SLC3A1: variants seen among roughly 807,000 people sequenced by gnomAD.
The protein encoded by SLC3A1 is amino acid transporter heavy chain SLC3A1.
Under a neutral mutation model 60.3 loss-of-function variants are expected in SLC3A1, and 78 were observed. The ratio of observed to expected loss-of-function variants is 1.29; its 90% CI spans 1.08 to 1.56. SLC3A1 has a LOEUF of 1.56. Among genes scored for constraint, SLC3A1 ranks in the 40% most tolerant of loss-of-function variants. The pLI is 0.00. For missense variants in SLC3A1, 1,172 were observed against 858.9 expected (o/e 1.36, Z -4.56); for synonymous variants, 392 against 307.9 (o/e 1.27, Z -2.86).
chr2:44,288,413 C>T (rs573971392), intron 4 of SLC3A1, among the ~76,000 whole-genome samples: 48 of 151,942 alleles, frequency 3.2e-4, no homozygotes, highest in Non-Finnish European at 6.2e-4. Flanking sequence ...TCTTCCCCCA[C>T]CCCCTGGGAA....
intron 4 of SLC3A1, among the ~76,000 whole-genome samples, chr2:44,298,871 G>A (rs2165421): frequency 0.61 from 91,949 of 151,816 alleles, 28,341 homozygotes; most frequent in Non-Finnish European, 0.66. Flanking sequence ...TGAGCCAGGG[G>A]CAGTCATACA....
In SLC3A1 at chr2:44,275,502, A is replaced by G. The variant is rs751612894; in HGVS notation, c.-34A>G. ...GCCACTCTTCCACCTCCCTTACTGC[A>G]GGAAGGCACTCCGAAGACATAAGTC... On this transcript the variant is annotated 5_prime_UTR_variant, in exon 1 of 10. Transcript: ENST00000260649. 2 of 1,587,320 alleles carry G rather than the reference A, an allele frequency of 1.3e-6. No homozygotes were observed. Among genetic ancestry groups the G allele is most frequent in the Non-Finnish European group, 1.7e-6 (2 of 1,157,836 alleles).
intron 1 of SLC3A1, among the ~76,000 whole-genome samples, chr2:44,279,851 C>T (rs1671452127): frequency 6.6e-6 from 1 of 152,128 alleles, no homozygotes; most frequent in African/African-American, 2.4e-5. Context: ...GCACGTGCCA[C>T]CATGCCCGGC....
At chr2:44,293,489 C>T (rs1231886463) in intron 4 of SLC3A1, among the ~76,000 whole-genome samples, 1 of 150,834 alleles carries the variant, frequency 6.6e-6, no homozygotes, top group African/African-American at 2.4e-5. Flanking sequence ...TGCACTCCAG[C>T]CTGGGCAACA....
intron 8 of SLC3A1, 91 bp downstream of exon 8, chr2:44,312,844 T>G: frequency 2.0e-6 from 2 of 979,772 alleles, no homozygotes; most frequent in Middle Eastern, 2.8e-4. Context: ...TTACTATCTC[T>G]CTATTGCATT....
chr2:44,286,005 T>C (rs1234339642), intron 3 of SLC3A1, 27 bp from the exon 4 acceptor site: 2 of 1,613,874 alleles, frequency 1.2e-6, no homozygotes, highest in Admixed American at 1.7e-5. Flanking sequence ...TATAGGTCAC[T>C]GATGTGCTGT....
chr2:44,320,381 A>C lies in SLC3A1; in HGVS notation c.1800A>C (p.Gly600=). The change falls in exon 10 of 10, where the codon GGA becomes GGC. Residue 600 remains glycine (G), a synonymous_variant. Transcript: ENST00000260649. ...TCTTTATCGTGGTTCTGAATTTTGG[A>C]GAATCAACACTGTTAAATCTACATA... is the stretch of plus-strand genomic sequence containing the variant. The part of the protein sequence containing the change: ...DRIFIVVLNF[G]ESTLLNLHNM... 1 of 1,614,110 alleles carries C rather than the reference A, an allele frequency of 6.2e-7. No homozygotes were observed. Among genetic ancestry groups the C allele is most frequent in the Non-Finnish European group, 8.5e-7 (1 of 1,179,964 alleles).
chr2:44,307,286 G>A (rs1672182064), intron 7 of SLC3A1, among the ~76,000 whole-genome samples: 1 of 152,186 alleles, frequency 6.6e-6, no homozygotes, highest in Non-Finnish European at 1.5e-5. Flanking sequence ...TACGAATAGT[G>A]ATGCTATGGA....
rs777667942 is a variant in SLC3A1, at chr2:44,286,064, T to C, written c.798T>C (p.Phe266=). Residue 266 remains phenylalanine, a synonymous_variant, in exon 4 of 10, where the codon TTT becomes TTC. Transcript: ENST00000260649. ...TGTATGGAAACTCCAGTTGGCACTTTGACGAAGTGCGAAACCAATGTTATT... is the reference window on the plus strand; with the variant it reads ...TGTATGGAAACTCCAGTTGGCACTTCGACGAAGTGCGAAACCAATGTTATT... ...LSVYGNSSWH[F]DEVRNQCYFH... The C allele has an allele frequency of 6.2e-7, 1 of 1,613,932 alleles. No homozygotes were observed.
Position 44,286,075 on chromosome 2 carries a change from G to A in SLC3A1, c.809G>A (p.Arg270Gln), listed in dbSNP as rs142358712. Residue 270 changes from arginine (R) to glutamine (Q), a missense_variant, in exon 4 of 10, where the codon CGA (arginine) becomes CAA (glutamine). Transcript: ENST00000260649. ...GNSSWHFDEV[R>Q]NQCYFHQFMK... ...TCCAGTTGGCACTTTGACGAAGTGC[G>A]AAACCAATGTTATTTTCATCAGTTT... 13 of 1,613,678 alleles carry A rather than the reference G, an allele frequency of 8.1e-6. No homozygotes were observed. Among genetic ancestry groups the A allele is most frequent in the African/African-American group, 2.7e-5 (2 of 74,896 alleles).
intron 7 of SLC3A1, among the ~76,000 whole-genome samples, chr2:44,306,962 A>C (rs1672173573): frequency 1.3e-5 from 2 of 152,122 alleles, no homozygotes; most frequent in Non-Finnish European, 2.9e-5. Context: ...CATCACCCCC[A>C]AAATAAACCA....
At chr2:44,290,014 T>G (rs1326878720) in intron 4 of SLC3A1, among the ~76,000 whole-genome samples, 2 of 152,198 alleles carry the variant, frequency 1.3e-5, no homozygotes, top group African/African-American at 4.8e-5. Context: ...TCATGAAGAT[T>G]TACTCCTATG....
At chr2:44,302,203 A>G (rs1672029236) in intron 6 of SLC3A1, among the ~76,000 whole-genome samples, 1 of 152,240 alleles carries the variant, frequency 6.6e-6, no homozygotes, top group Admixed American at 6.5e-5. Context: ...GGTCTGAAGG[A>G]GTCCTGCTCT....
Position 44,312,595 on chromosome 2 carries a change from C to G in SLC3A1, c.1342C>G (p.Pro448Ala). The G allele has an allele frequency of 1.9e-6, 3 of 1,613,772 alleles. No homozygotes were observed. Among genetic ancestry groups the G allele is most frequent in the Non-Finnish European group, 1.7e-6 (2 of 1,179,752 alleles). ...GKWPNWMIGG[P>A]DSSRLTSRLG... ...AATATCTGCCTTTCAGATTGGTGGA[C>G]CAGACAGTTCACGGCTGACTTCGCG... The change falls in exon 8 of 10, where the codon CCA (proline) becomes GCA (alanine). Residue 448 changes from proline (P) to alanine (A), a missense_variant. Physicochemically the swap from Pro to Ala is conservative, Grantham distance 27. Coordinates refer to ENST00000260649, the MANE Select transcript of SLC3A1 (RefSeq NM_000341.4).
At chr2:44,279,547 C>T (rs1054875802) in intron 1 of SLC3A1, among the ~76,000 whole-genome samples, 1 of 150,926 alleles carries the variant, frequency 6.6e-6, no homozygotes, top group African/African-American at 2.4e-5. Context: ...TGCCTGCAGA[C>T]ACTTCCGAGA....
At chr2:44,307,844 G>A (rs1178987596) in intron 7 of SLC3A1, among the ~76,000 whole-genome samples, 1 of 152,134 alleles carries the variant, frequency 6.6e-6, no homozygotes, top group Non-Finnish European at 1.5e-5. Flanking sequence ...ATGAAGTCCA[G>A]TTGTTTTGTT....
intron 6 of SLC3A1, among the ~76,000 whole-genome samples, chr2:44,302,521 G>T (rs1672039958): frequency 6.6e-6 from 1 of 152,202 alleles, no homozygotes; most frequent in African/African-American, 2.4e-5. Flanking sequence ...ATGTCCACAG[G>T]TAGGAGTGGC....
chr2:44,291,665 T>C (rs967902185), intron 4 of SLC3A1, among the ~76,000 whole-genome samples: 7 of 152,192 alleles, frequency 4.6e-5, no homozygotes, highest in Non-Finnish European at 8.8e-5. Context: ...CCAGCAGCGC[T>C]TGTTTCTGCA....
At chr2:44,280,243 T>C (rs1479824332) in intron 1 of SLC3A1, among the ~76,000 whole-genome samples, 1 of 152,070 alleles carries the variant, frequency 6.6e-6, no homozygotes, top group Non-Finnish European at 1.5e-5. Context: ...TGATTTTCTC[T>C]TTCTTTTTTT....
Sources: allele counts gnomAD v4.1 joint callset (sites outside exome capture counted in the v4.1 genomes callset), GRCh38; gene constraint gnomAD v4.1.1; transcripts MANE v1.5; gene names NCBI Gene and HGNC (gene_info 2026-07-23, HGNC 2026-07-21).